PDE4D: variants seen among roughly 807,000 people sequenced by gnomAD.
PDE4D encodes the protein phosphodiesterase 4D.
A neutral mutation model predicts 87.4 loss-of-function variants in PDE4D; 24 were observed. The ratio of observed to expected loss-of-function variants is 0.27; its 90% confidence interval spans 0.20 to 0.39. The LOEUF (loss-of-function observed/expected upper bound fraction) is 0.39. Ranked by LOEUF, PDE4D falls within the 10% of genes least tolerant of loss-of-function variation. The pLI is 1.00. For missense variants in PDE4D, 714 were observed against 1,041.0 expected (o/e 0.69, Z 4.32); for synonymous variants, 384 against 383.2 (o/e 1.00, Z -0.02).
At chr5:59,091,713 T>G (rs1223456373) in intron 5 of PDE4D, among the ~76,000 whole-genome samples, 1 of 152,134 alleles carries the variant, frequency 6.6e-6, no homozygotes, top group Non-Finnish European at 1.5e-5. Context: ...AGGGTCTTTC[T>G]GAGGGGTGAT....
intron 2 of PDE4D, among the ~76,000 whole-genome samples, chr5:59,199,275 A>G (rs1454273336): frequency 6.9e-6 from 1 of 145,506 alleles, no homozygotes; most frequent in Non-Finnish European, 1.5e-5. Flanking sequence ...TTTTTTTTCA[A>G]TGGCATGGAG....
chr5:59,887,558 T>G (rs1750353976), intron 1 of PDE4D, among the ~76,000 whole-genome samples: 1 of 152,184 alleles, frequency 6.6e-6, no homozygotes, highest in African/African-American at 2.4e-5. Flanking sequence ...GGGACATAAG[T>G]TTGTCCATGA....
chr5:59,825,167 C>T (rs578179744), intron 1 of PDE4D, among the ~76,000 whole-genome samples: 40 of 152,242 alleles, frequency 2.6e-4, no homozygotes, highest in Non-Finnish European at 4.1e-4. Flanking sequence ...CTCCACAGAG[C>T]CTTTCACATG....
At chr5:60,315,383 T>A (rs546266238) in intron 1 of PDE4D, among the ~76,000 whole-genome samples, 132 of 152,358 alleles carry the variant, frequency 8.7e-4, no homozygotes, top group African/African-American at 3.0e-3. Flanking sequence ...ATTCTGGATA[T>A]TAGCCCTTTG....
Position 59,205,582 on chromosome 5 carries a change from C to T in PDE4D, c.647+10195G>A, listed in dbSNP as rs1260089131. Among the ~76,000 whole-genome samples the T allele has an allele frequency of 3.4e-5, 5 of 148,952 alleles. No homozygotes were observed. The Admixed American group carries it at 3.4e-4, about 10-fold the overall frequency. On this transcript the variant is annotated intron_variant, in intron 2 of 14. Transcript: ENST00000340635. Reference sequence around the variant, plus strand: ...AGCACTGTCCAATAGAATATTTCTGCAACATTCTATTTCTGCAACAGAATA... The same window carrying T: ...AGCACTGTCCAATAGAATATTTCTGTAACATTCTATTTCTGCAACAGAATA...
At chr5:60,311,492 T>C (rs549202458) in intron 1 of PDE4D, among the ~76,000 whole-genome samples, 1 of 152,288 alleles carries the variant, frequency 6.6e-6, no homozygotes, top group African/African-American at 2.4e-5. Flanking sequence ...AGGAGAAGTA[T>C]AATCTTTTCA....
At chr5:59,287,400 T>C (rs1767161843) in intron 1 of PDE4D, among the ~76,000 whole-genome samples, 1 of 151,866 alleles carries the variant, frequency 6.6e-6, no homozygotes, top group Non-Finnish European at 1.5e-5. Context: ...CACCGTAGAA[T>C]AGAGTACCGG....
intron 2 of PDE4D, among the ~76,000 whole-genome samples, chr5:60,114,967 T>TGGAC (rs1778027334): frequency 7.5e-6 from 1 of 132,808 alleles, no homozygotes; most frequent in Non-Finnish European, 1.7e-5. Flanking sequence ...GATGGATGGA[T>TGGAC]GGATGGATGG....
chr5:60,220,833 A>G (rs1290689334), intron 1 of PDE4D, among the ~76,000 whole-genome samples: 1 of 152,170 alleles, frequency 6.6e-6, no homozygotes, highest in Non-Finnish European at 1.5e-5. Flanking sequence ...TCACTTACCT[A>G]TTAAAATAAG....
At chr5:59,516,910 T>C (rs1811265011) in intron 1 of PDE4D, among the ~76,000 whole-genome samples, 1 of 152,038 alleles carries the variant, frequency 6.6e-6, no homozygotes, top group South Asian at 2.1e-4. Flanking sequence ...CCTTGAGAAC[T>C]ACTAGATTAT....
At chr5:60,183,416 A>G (rs946188084) in intron 2 of PDE4D, among the ~76,000 whole-genome samples, 2 of 152,200 alleles carry the variant, frequency 1.3e-5, no homozygotes, top group African/African-American at 4.8e-5. Context: ...GAACACTCAC[A>G]TAGTTTAACC....
intron 1 of PDE4D, among the ~76,000 whole-genome samples, chr5:59,854,942 G>A (rs548661782): frequency 1.3e-5 from 2 of 152,236 alleles, no homozygotes; most frequent in Admixed American, 1.3e-4. Flanking sequence ...CTAGACTTGT[G>A]AGGTAGAAAT....
chr5:59,044,830 TTC>T (rs1264702782), intron 5 of PDE4D, among the ~76,000 whole-genome samples: 6 of 152,254 alleles, frequency 3.9e-5, no homozygotes, highest in Non-Finnish European at 7.3e-5. Flanking sequence ...TGTGACGGTT[TTC>T]TTTTTCTTTT....
At chr5:59,412,040 A>G (rs1358106695) in intron 1 of PDE4D, among the ~76,000 whole-genome samples, 4 of 152,170 alleles carry the variant, frequency 2.6e-5, no homozygotes, top group African/African-American at 7.2e-5. Flanking sequence ...GCCAGACTCA[A>G]TATCTATATA....
intron 1 of PDE4D, among the ~76,000 whole-genome samples, chr5:59,371,834 T>G (rs894674732): frequency 6.6e-6 from 1 of 152,228 alleles, no homozygotes; most frequent in Non-Finnish European, 1.5e-5. Context: ...ATCTCTAATT[T>G]GTTTCTTACC....
At chr5:60,299,513 G>C (rs1753709456) in intron 1 of PDE4D, among the ~76,000 whole-genome samples, 1 of 151,992 alleles carries the variant, frequency 6.6e-6, no homozygotes, top group East Asian at 1.9e-4. Flanking sequence ...ATTAAGCCCA[G>C]TATACATTAC....
At chr5:60,434,837 T>C (rs1179276072) in intron 1 of PDE4D, among the ~76,000 whole-genome samples, 1 of 152,044 alleles carries the variant, frequency 6.6e-6, no homozygotes, top group Non-Finnish European at 1.5e-5. Context: ...CTCTCAGGGA[T>C]GGGTCTGTAT....
chr5:60,139,653 T>C (rs1184573758), intron 2 of PDE4D, among the ~76,000 whole-genome samples: 1 of 151,928 alleles, frequency 6.6e-6, no homozygotes, highest in African/African-American at 2.4e-5. Flanking sequence ...AAGGGAAAAA[T>C]AGGCTACTCG....
intron 1 of PDE4D, among the ~76,000 whole-genome samples, chr5:60,314,134 C>G (rs953889432): frequency 2.6e-5 from 4 of 151,446 alleles, no homozygotes; most frequent in African/African-American, 9.7e-5. Flanking sequence ...CAAATAAGAA[C>G]AGAGGAAGTC....
Sources: gnomAD v4.1 joint callset for allele counts (sites outside exome capture counted in the v4.1 genomes callset) on GRCh38, gnomAD v4.1.1 for gene constraint, MANE v1.5 for transcripts, NCBI Gene and HGNC (gene_info 2026-07-23, HGNC 2026-07-21) for gene names.